Variants in FOXN3 observed in about 807,000 individuals in gnomAD.
The protein encoded by FOXN3 is forkhead box protein N3.
Under a neutral mutation model 38.4 loss-of-function variants are expected in FOXN3, and 7 were observed. The ratio of observed to expected loss-of-function variants is 0.18; its 90% CI spans 0.10 to 0.34. The LOEUF (loss-of-function observed/expected upper bound fraction) is 0.34. FOXN3 is among the 10% of genes least tolerant of loss of function. The pLI is 1.00. For missense variants in FOXN3, 456 were observed against 613.4 expected, an observed-to-expected ratio of 0.74 and a Z score of 2.71; for synonymous variants, 230 against 242.2, an observed-to-expected ratio of 0.95 and a Z score of 0.47.
chr14:89,483,753 G>A (rs1893391477), intron 1 of FOXN3, among the ~76,000 whole-genome samples: 2 of 152,136 alleles, frequency 1.3e-5, no homozygotes, highest in Admixed American at 1.3e-4. Flanking sequence ...CCCTGGCTCA[G>A]CCGGTTAGTA....
At position 89,254,263 on chromosome 14, in the gene FOXN3, T is replaced by TCAC. The variant is rs748869220; in HGVS notation, c.745+26684_745+26686dup. Among the ~76,000 whole-genome samples the TCAC allele has an allele frequency of 1.6e-4, 25 of 152,306 alleles. No individual in the cohort carries two copies. In the East Asian group the frequency reaches 4.4e-3, roughly 27 times the overall value. On this transcript the variant is annotated intron_variant, in intron 4 of 5. Coordinates refer to ENST00000557258, the MANE Select transcript of FOXN3 (RefSeq NM_005197.4). ...AAAGTTCCATGTTTTAGCTGCATCA[T>TCAC]CACCACCATCATCGCCATGCTATCC...
intron 1 of FOXN3, among the ~76,000 whole-genome samples, chr14:89,535,287 C>T (rs1261277364): frequency 1.3e-5 from 2 of 151,118 alleles, no homozygotes; most frequent in Non-Finnish European, 2.9e-5. Context: ...TATAAGAACA[C>T]GGCAGTATTT....
intron 2 of FOXN3, among the ~76,000 whole-genome samples, chr14:89,402,725 G>A (rs772789375): frequency 7.9e-5 from 12 of 152,310 alleles, no homozygotes; most frequent in Non-Finnish European, 1.8e-4. Context: ...CTTGGACCAT[G>A]AGAAGACTGA....
chr14:89,383,666 G>A (rs986959242), intron 2 of FOXN3, among the ~76,000 whole-genome samples: 1 of 151,642 alleles, frequency 6.6e-6, no homozygotes, highest in Non-Finnish European at 1.5e-5. Flanking sequence ...CCACGTATCT[G>A]TTTCCTTTCC....
At chr14:89,354,029 TA>T (rs911266972) in intron 2 of FOXN3, among the ~76,000 whole-genome samples, 71 of 152,196 alleles carry the variant, frequency 4.7e-4, no homozygotes, top group African/African-American at 1.7e-3. Flanking sequence ...TTGAAAACTT[TA>T]AAAATGGAAA....
chr14:89,495,401 C>G (rs1044815383), intron 1 of FOXN3, among the ~76,000 whole-genome samples: 4 of 152,052 alleles, frequency 2.6e-5, no homozygotes, highest in African/African-American at 9.7e-5. Flanking sequence ...TGGCTATTTA[C>G]TATGATAATA....
chr14:89,347,876 C>T (rs1038799667), intron 3 of FOXN3, among the ~76,000 whole-genome samples: 7 of 152,132 alleles, frequency 4.6e-5, no homozygotes, highest in African/African-American at 1.7e-4. Flanking sequence ...ATCCCTTGAA[C>T]CCAGGAGGCG....
At chr14:89,451,677 AC>A (rs1892615462) in intron 1 of FOXN3, among the ~76,000 whole-genome samples, 1 of 151,650 alleles carries the variant, frequency 6.6e-6, no homozygotes, top group African/African-American at 2.4e-5. Flanking sequence ...AATCTTCATC[AC>A]CCCTGCCTGC....
intron 1 of FOXN3, among the ~76,000 whole-genome samples, chr14:89,580,235 T>C (rs1895717131): frequency 6.6e-6 from 1 of 152,190 alleles, no homozygotes; most frequent in Non-Finnish European, 1.5e-5. Context: ...AATTACCTCA[T>C]CTCTAAAATG....
At chr14:89,409,925 T>C (rs898740438) in intron 2 of FOXN3, among the ~76,000 whole-genome samples, 8 of 152,160 alleles carry the variant, frequency 5.3e-5, no homozygotes, top group Non-Finnish European at 7.3e-5. Context: ...TAAAGGGGCA[T>C]ACTTTGATGG....
intron 3 of FOXN3, among the ~76,000 whole-genome samples, chr14:89,323,301 A>AAAAAAG (rs1887947128): frequency 7.0e-6 from 1 of 142,928 alleles, no homozygotes; most frequent in African/African-American, 2.6e-5. Context: ...AAAAAAAAAA[A>AAAAAAG]AAAGAAAGAA....
intron 4 of FOXN3, among the ~76,000 whole-genome samples, chr14:89,182,085 CTCTA>C (rs1488309608): frequency 6.6e-6 from 1 of 152,148 alleles, no homozygotes; most frequent in Non-Finnish European, 1.5e-5. Context: ...GTTGAAAAGG[CTCTA>C]GAAAATTATG....
chr14:89,296,794 C>T (rs1248487288), intron 3 of FOXN3, among the ~76,000 whole-genome samples: 1 of 152,202 alleles, frequency 6.6e-6, no homozygotes, highest in Non-Finnish European at 1.5e-5. Context: ...TGCCACCATG[C>T]CTGGCTAATT....
intron 3 of FOXN3, among the ~76,000 whole-genome samples, chr14:89,304,906 G>C (rs1213503488): frequency 6.8e-6 from 1 of 147,808 alleles, no homozygotes; most frequent in Non-Finnish European, 1.5e-5. Context: ...GAAGCTGACA[G>C]TGATCTGCGG....
intron 1 of FOXN3, among the ~76,000 whole-genome samples, chr14:89,503,645 T>TCTGAGAGACAA: frequency 6.6e-6 from 1 of 152,276 alleles, no homozygotes; most frequent in African/African-American, 2.4e-5. Flanking sequence ...CACTTCCCCA[T>TCTGAGAGACAA]CTGAGAGACA....
intron 3 of FOXN3, among the ~76,000 whole-genome samples, chr14:89,285,045 T>C (rs1457520628): frequency 6.6e-6 from 1 of 152,188 alleles, no homozygotes; most frequent in Non-Finnish European, 1.5e-5. Flanking sequence ...GTGTTCTCTA[T>C]ACCCAGGAAC....
chr14:89,333,422 GA>G (rs71301965), intron 3 of FOXN3, among the ~76,000 whole-genome samples: 147 of 129,046 alleles, frequency 1.1e-3, no homozygotes, highest in African/African-American at 1.5e-3. Context: ...CGTCTCAAAA[GA>G]AAAAAAAAAA....
upstream of FOXN3, among the ~76,000 whole-genome samples, chr14:89,420,526 GCCTGGAT>G (rs1172074109): frequency 1.3e-5 from 2 of 152,218 alleles, no homozygotes; most frequent in African/African-American, 4.8e-5. Context: ...CTAGGATGGT[GCCTGGAT>G]ATGTGTATTT....
intron 1 of FOXN3, among the ~76,000 whole-genome samples, chr14:89,451,757 G>T (rs1422205546): frequency 6.6e-6 from 1 of 152,140 alleles, no homozygotes; most frequent in Non-Finnish European, 1.5e-5. Context: ...TTTGAAAATT[G>T]TTGAAGTCTT....
Sources: gnomAD v4.1 joint callset for allele counts (sites outside exome capture counted in the v4.1 genomes callset) on GRCh38, gnomAD v4.1.1 for gene constraint, MANE v1.5 for transcripts, NCBI Gene and HGNC (gene_info 2026-07-23, HGNC 2026-07-21) for gene names.